Variants in DSCAM observed in about 807,000 individuals in gnomAD.
DSCAM encodes the protein cell adhesion molecule DSCAM.
Under a neutral mutation model 217.7 loss-of-function variants are expected in DSCAM, and 47 were observed. That is an observed-to-expected ratio of 0.22 (90% CI 0.17 to 0.28). The LOEUF (loss-of-function observed/expected upper bound fraction) is 0.28. Among genes scored for constraint, DSCAM ranks in the 10% least tolerant of loss-of-function variants. The probability of loss-of-function intolerance (pLI) is 1.00; values close to 1 mark genes in which losing one functional copy is unlikely to be tolerated. For missense variants in DSCAM, 2,080 were observed against 2,618.3 expected (o/e 0.79, Z 4.49); for synonymous variants, 1,056 against 1,015.3 (o/e 1.04, Z -0.76).
chr21:40,536,353 C>T (rs1822195191), intron 3 of DSCAM, among the ~76,000 whole-genome samples: 1 of 151,018 alleles, frequency 6.6e-6, no homozygotes. Context: ...AAAGGTTTTC[C>T]AATACTCTAC....
intron 16 of DSCAM, among the ~76,000 whole-genome samples, chr21:40,165,741 G>A (rs1282019791): frequency 6.6e-6 from 1 of 152,170 alleles, no homozygotes; most frequent in Non-Finnish European, 1.5e-5. Context: ...GTAATACCTG[G>A]TCTTTTTCAG....
chr21:40,520,648 A>G (rs951021469), intron 3 of DSCAM, among the ~76,000 whole-genome samples: 1 of 152,024 alleles, frequency 6.6e-6, no homozygotes, highest in Non-Finnish European at 1.5e-5. Flanking sequence ...CTCTATTAAA[A>G]ATAAAAAAAT....
chr21:40,359,902 T>C lies in DSCAM; in HGVS notation c.656-6159A>G, dbSNP rs187611124. On this transcript the variant is annotated intron_variant, in intron 4 of 32. Coordinates refer to ENST00000400454, the MANE Select transcript of DSCAM (RefSeq NM_001389.5). ...CGACTCCATGCATTTACTAAAATTATTGAATTGAATAAACCGGATGGAGTT... is the reference window on the plus strand; with the variant it reads ...CGACTCCATGCATTTACTAAAATTACTGAATTGAATAAACCGGATGGAGTT... 9.2e-5 allele frequency among the ~76,000 whole-genome samples: 14 copies of C among 152,290 alleles called. No individual in the cohort carries two copies. The East Asian group carries it at 2.5e-3, about 27-fold the overall frequency.
chr21:40,825,266 T>TTCCTTCC, intron 1 of DSCAM, among the ~76,000 whole-genome samples: 1 of 140,062 alleles, frequency 7.1e-6, no homozygotes, highest in South Asian at 2.5e-4. Flanking sequence ...ATTTTCTTTC[T>TTCCTTCC]TTCCTTCCTT....
chr21:40,230,474 C>T (rs990942598), intron 11 of DSCAM, among the ~76,000 whole-genome samples: 6 of 152,100 alleles, frequency 3.9e-5, no homozygotes, highest in Non-Finnish European at 5.9e-5. Context: ...CTTTTAAAGT[C>T]GATGGGACCA....
chr21:40,376,532 G>GATATCTATATATCTT lies in DSCAM; in HGVS notation c.509-7288_509-7287insAAGATATATAGATAT, dbSNP rs2074956987. Among the ~76,000 whole-genome samples the GATATCTATATATCTT allele has an allele frequency of 5.7e-5, 5 of 87,690 alleles. 2 individuals carry two copies. The highest frequency in any genetic ancestry group is 2.4e-4 in the African/African-American group (5 of 20,898). 57.5% of individuals were successfully genotyped at this position (87,690 alleles called of 152,430 possible). On this transcript the variant is annotated intron_variant, in intron 3 of 32. Coordinates refer to ENST00000400454, the MANE Select transcript of DSCAM (RefSeq NM_001389.5). ...TATCGATATCTATATATCTTATATA[G>GATATCTATATATCTT]ATATCGATATATCTTATATCGATAT...
chr21:40,386,048 G>C (rs2075081525), intron 3 of DSCAM, among the ~76,000 whole-genome samples: 1 of 152,124 alleles, frequency 6.6e-6, no homozygotes, highest in Non-Finnish European at 1.5e-5. Context: ...AGTACCGCTG[G>C]ATCAAGATTA....
At chr21:40,040,797 A>G (rs146093660) in intron 32 of DSCAM, among the ~76,000 whole-genome samples, 3 of 152,328 alleles carry the variant, frequency 2.0e-5, no homozygotes, top group Middle Eastern at 3.4e-3. Flanking sequence ...GAGAACGCCT[A>G]TACAACATGC....
intron 19 of DSCAM, among the ~76,000 whole-genome samples, chr21:40,129,550 G>A (rs1372930060): frequency 6.6e-6 from 1 of 152,204 alleles, no homozygotes; most frequent in African/African-American, 2.4e-5. Context: ...TTTGAGGTAA[G>A]AACCTAGTTT....
At chr21:40,427,386 A>C (rs1018451414) in intron 3 of DSCAM, among the ~76,000 whole-genome samples, 2 of 152,204 alleles carry the variant, frequency 1.3e-5, no homozygotes, top group African/African-American at 4.8e-5. Flanking sequence ...TATACTGACA[A>C]ACTCAATTGT....
chr21:40,502,494 G>T (rs1397979909), intron 3 of DSCAM, among the ~76,000 whole-genome samples: 1 of 152,148 alleles, frequency 6.6e-6, no homozygotes, highest in African/African-American at 2.4e-5. Flanking sequence ...GGGTTGGCAG[G>T]CCGTCTTCTT....
chr21:40,207,885 T>C (rs2091143605), intron 11 of DSCAM, among the ~76,000 whole-genome samples: 1 of 152,180 alleles, frequency 6.6e-6, no homozygotes, highest in Non-Finnish European at 1.5e-5. Context: ...CTCCTCCATG[T>C]GTGTGGCTAC....
chr21:40,029,456 C>G (rs185512428), intron 32 of DSCAM, among the ~76,000 whole-genome samples: 271 of 151,464 alleles, frequency 1.8e-3, no homozygotes, highest in African/African-American at 6.0e-3. Flanking sequence ...GAAAAGGCCA[C>G]TGCCTGGTGC....
rs571880257 is a variant in DSCAM, at chr21:40,274,231, C to T, written c.2356+1866G>A. On this transcript the variant is annotated intron_variant, in intron 11 of 32. Transcript: ENST00000400454. ...GATCTGGAGAGAGGACATATGGGGG[C>T]ATCGTCCATTCTTGAAGCCTATTTT... Among the ~76,000 whole-genome samples the T allele has an allele frequency of 3.3e-5, 5 of 152,314 alleles. No homozygotes were observed. In the East Asian group the frequency reaches 9.7e-4, roughly 29 times the overall value.
chr21:40,474,563 T>G (rs1012261609), intron 3 of DSCAM, among the ~76,000 whole-genome samples: 3 of 152,124 alleles, frequency 2.0e-5, no homozygotes, highest in East Asian at 1.9e-4. Flanking sequence ...CGCCCTCCCC[T>G]TCCCCCCTGA....
chr21:40,174,531 C>CT (rs112792781), intron 15 of DSCAM, among the ~76,000 whole-genome samples: 13,869 of 143,068 alleles, frequency 0.097, 1,401 homozygotes, highest in African/African-American at 0.25. Flanking sequence ...CCATGTTATT[C>CT]TTTTTTTTTT....
rs538052842 is a variant in DSCAM, at chr21:40,436,676, T to C, written c.509-67431A>G. ...GGGTGTCAGGAACAGCTACAAAGCT[T>C]GAAGGACTCGCCAAGTGAAACTAGG... On this transcript the variant is annotated intron_variant, in intron 3 of 32. Transcript: ENST00000400454. Among the ~76,000 whole-genome samples the C allele has an allele frequency of 6.6e-5, 10 of 152,272 alleles. No individual in the cohort carries two copies. In the East Asian group the frequency reaches 1.9e-3, roughly 29 times the overall value.
intron 8 of DSCAM, among the ~76,000 whole-genome samples, chr21:40,321,407 A>T (rs2074257493): frequency 1.3e-5 from 2 of 152,200 alleles, no homozygotes; most frequent in African/African-American, 4.8e-5. Flanking sequence ...CTTAGTAGTG[A>T]TAGCAAAATA....
chr21:40,312,317 A>G lies in DSCAM; in HGVS notation c.1826T>C (p.Ile609Thr), dbSNP rs779402362. The change falls in exon 9 of 33, where the codon ATT becomes ACT. Residue 609 changes from isoleucine to threonine, a missense_variant. Coordinates refer to ENST00000400454, the MANE Select transcript of DSCAM (RefSeq NM_001389.5). The part of the protein sequence containing the change: ...IQPFEFPRFS[I>T]GQRVFIPCVV... ...ACAGGGGATGAAGACCCGCTGCCCA[A>G]TGGAGAATCTTGGAAACTCAAAGGG... The G allele has an allele frequency of 1.4e-5, 23 of 1,613,958 alleles. No individual in the cohort carries two copies. Among genetic ancestry groups the G allele is most frequent in the Middle Eastern group, 1.6e-4 (1 of 6,084 alleles).
Sources: allele counts gnomAD v4.1 joint callset (sites outside exome capture counted in the v4.1 genomes callset), GRCh38; gene constraint gnomAD v4.1.1; transcripts MANE v1.5; gene names NCBI Gene and HGNC (gene_info 2026-07-23, HGNC 2026-07-21).